Variants in RSRC1 observed in about 807,000 individuals in gnomAD.
The protein encoded by RSRC1 is serine/Arginine-related protein 53.
A neutral mutation model predicts 49.1 loss-of-function variants in RSRC1; 39 were observed. The observed-to-expected ratio is 0.79, with a 90% CI of 0.61 to 1.04. The LOEUF is 1.04. RSRC1 is among the 50% of genes least tolerant of loss of function. The probability of loss-of-function intolerance (pLI) is 0.00; values close to 1 mark genes in which losing one functional copy is unlikely to be tolerated. For missense variants in RSRC1, 388 were observed against 402.4 expected (o/e 0.96, Z 0.31); for synonymous variants, 143 against 130.8 (o/e 1.09, Z -0.63).
At chr3:158,281,119 G>C (rs547800887) in intron 4 of RSRC1, among the ~76,000 whole-genome samples, 1 of 152,208 alleles carries the variant, frequency 6.6e-6, no homozygotes, top group South Asian at 2.1e-4. Context: ...GATAGTTTTT[G>C]TGATTACTTA....
At chr3:158,489,001 A>G (rs1358352712) in intron 7 of RSRC1, among the ~76,000 whole-genome samples, 1 of 152,310 alleles carries the variant, frequency 6.6e-6, no homozygotes, top group South Asian at 2.1e-4. Context: ...GTTGTGTTGT[A>G]ATAGCACTAA....
chr3:158,440,594 G>T (rs1366843494), intron 6 of RSRC1, among the ~76,000 whole-genome samples: 1 of 151,944 alleles, frequency 6.6e-6, no homozygotes, highest in Non-Finnish European at 1.5e-5. Flanking sequence ...GCCCACACAT[G>T]CACGTGTGCA....
At chr3:158,177,790 A>G (rs939326130) in intron 3 of RSRC1, among the ~76,000 whole-genome samples, 3 of 152,096 alleles carry the variant, frequency 2.0e-5, no homozygotes, top group Admixed American at 6.5e-5. Context: ...TAAAGTTTAA[A>G]AACAAATATG....
At chr3:158,402,547 CTAG>C (rs1733945508) in intron 6 of RSRC1, among the ~76,000 whole-genome samples, 1 of 151,616 alleles carries the variant, frequency 6.6e-6, no homozygotes, top group Non-Finnish European at 1.5e-5. Flanking sequence ...TAAAAATAAA[CTAG>C]TAGAATATTT....
At chr3:158,254,076 C>T (rs574342842) in intron 4 of RSRC1, among the ~76,000 whole-genome samples, 1 of 152,264 alleles carries the variant, frequency 6.6e-6, no homozygotes, top group African/African-American at 2.4e-5. Flanking sequence ...TCATCCATGT[C>T]CCTGCAAAGG....
chr3:158,349,029 A>G (rs952749967), intron 5 of RSRC1, among the ~76,000 whole-genome samples: 5 of 152,072 alleles, frequency 3.3e-5, no homozygotes, highest in Non-Finnish European at 1.5e-5. Flanking sequence ...TGACTTTGAT[A>G]TTGTAAATAA....
chr3:158,397,974 A>T lies in RSRC1; in HGVS notation c.583+43066A>T, dbSNP rs551724487. ...GTTCAGAGATGGAATGAGGCTTGTG[A>T]TACCGTGAGGTTGGGATGGGATGCG... On this transcript the variant is annotated intron_variant, in intron 6 of 9. Transcript: ENST00000611884. 3.9e-5 allele frequency among the ~76,000 whole-genome samples: 6 copies of T among 152,222 alleles called. No homozygotes were observed. The South Asian group carries it at 1.2e-3, about 32-fold the overall frequency.
At chr3:158,342,357 C>T (rs1463893249) in intron 5 of RSRC1, among the ~76,000 whole-genome samples, 2 of 152,110 alleles carry the variant, frequency 1.3e-5, no homozygotes, top group Non-Finnish European at 2.9e-5. Flanking sequence ...ATCATGGGGG[C>T]CAGTCTTTCC....
intron 6 of RSRC1, among the ~76,000 whole-genome samples, chr3:158,357,223 G>T (rs1477913382): frequency 6.6e-6 from 1 of 152,050 alleles, no homozygotes; most frequent in African/African-American, 2.4e-5. Flanking sequence ...TTATTTTGGG[G>T]GGATTTGTTA....
intron 3 of RSRC1, among the ~76,000 whole-genome samples, chr3:158,198,798 C>CT (rs568999618): frequency 3.3e-4 from 51 of 152,246 alleles, no homozygotes; most frequent in Admixed American, 1.5e-3. Flanking sequence ...ATTCGGCCAT[C>CT]TTGGCTCCAC....
rs866606685 is a variant in RSRC1 at position 158,498,190 on chromosome 3, C to T, written c.652+37187C>T. On this transcript the variant is annotated intron_variant, in intron 7 of 9. Coordinates refer to ENST00000611884, the MANE Select transcript of RSRC1 (RefSeq NM_001271838.2). ...CTGTATTAGTTTACATTCCCACTAG[C>T]AGTGTAGAAGTGTTCCCTGATCATC... Among the ~76,000 whole-genome samples, 3 of 151,308 alleles carry T rather than the reference C, an allele frequency of 2.0e-5. No individual in the cohort carries two copies. The South Asian group carries it at 6.3e-4, about 32-fold the overall frequency.
chr3:158,393,003 A>T (rs1251259055), intron 6 of RSRC1, among the ~76,000 whole-genome samples: 1 of 152,114 alleles, frequency 6.6e-6, no homozygotes, highest in Non-Finnish European at 1.5e-5. Context: ...TGAAAATAGA[A>T]ATCAATACTA....
intron 5 of RSRC1, among the ~76,000 whole-genome samples, chr3:158,341,716 C>T (rs1730252227): frequency 6.6e-6 from 1 of 152,136 alleles, no homozygotes; most frequent in African/African-American, 2.4e-5. Flanking sequence ...GAGAAGAGGG[C>T]CACCATCCTT....
intron 1 of RSRC1, among the ~76,000 whole-genome samples, chr3:158,116,737 C>G (rs1162588410): frequency 1.5e-5 from 1 of 68,530 alleles, no homozygotes; most frequent in Non-Finnish European, 2.5e-5. Flanking sequence ...TCTTGAGTCC[C>G]CTGAAAAGTG....
At chr3:158,503,945 C>G (rs980965933) in intron 7 of RSRC1, among the ~76,000 whole-genome samples, 1 of 152,156 alleles carries the variant, frequency 6.6e-6, no homozygotes, top group Non-Finnish European at 1.5e-5. Flanking sequence ...ATTTCCTTCT[C>G]CCTGTGGTGT....
chr3:158,222,530 A>G (rs897346956), intron 4 of RSRC1, among the ~76,000 whole-genome samples: 4 of 151,646 alleles, frequency 2.6e-5, no homozygotes, highest in South Asian at 2.1e-4. Context: ...ATTTTTGTCA[A>G]TTAAACAAGT....
At chr3:158,330,616 AT>A (rs1729489271) in intron 5 of RSRC1, among the ~76,000 whole-genome samples, 1 of 152,046 alleles carries the variant, frequency 6.6e-6, no homozygotes, top group Non-Finnish European at 1.5e-5. Flanking sequence ...TATTTAGGTT[AT>A]TTTTTGATCT....
At chr3:158,307,981 C>T (rs572075534) in intron 5 of RSRC1, among the ~76,000 whole-genome samples, 25 of 151,800 alleles carry the variant, frequency 1.6e-4, no homozygotes, top group Non-Finnish European at 3.4e-4. Flanking sequence ...TTTCTGAGAA[C>T]CACAGACATT....
intron 6 of RSRC1, among the ~76,000 whole-genome samples, chr3:158,420,017 TC>T (rs1326912454): frequency 1.3e-5 from 2 of 151,586 alleles, no homozygotes; most frequent in African/African-American, 2.4e-5. Flanking sequence ...CACTGCTCTC[TC>T]CCCCCACTTC....
Sources: allele counts gnomAD v4.1 joint callset (sites outside exome capture counted in the v4.1 genomes callset), GRCh38; gene constraint gnomAD v4.1.1; transcripts MANE v1.5; gene names NCBI Gene and HGNC (gene_info 2026-07-23, HGNC 2026-07-21).